RFX3: variants seen among roughly 807,000 people sequenced by gnomAD.
The protein encoded by RFX3 is regulatory factor X3.
A neutral mutation model predicts 98.6 loss-of-function variants in RFX3; 14 were observed. The ratio of observed to expected loss-of-function variants is 0.14; its 90% CI spans 0.09 to 0.22. The LOEUF (loss-of-function observed/expected upper bound fraction) is 0.22. RFX3 is among the 10% of genes least tolerant of loss of function. RFX3 has a pLI of 1.00. For synonymous variants in RFX3, 383 were observed against 328.4 expected (o/e 1.17, Z -1.80); for missense variants, 639 against 926.9 (o/e 0.69, Z 4.03).
chr9:3,370,430 C>G (rs1289160550), intron 2 of RFX3, among the ~76,000 whole-genome samples: 1 of 151,700 alleles, frequency 6.6e-6, no homozygotes, highest in Non-Finnish European at 1.5e-5. Context: ...AAATTTACAA[C>G]TCTATCCTTT....
intron 15 of RFX3, among the ~76,000 whole-genome samples, chr9:3,231,837 G>A (rs888866566): frequency 1.2e-4 from 18 of 152,132 alleles, no homozygotes; most frequent in African/African-American, 3.9e-4. Flanking sequence ...GCTGAGGCGG[G>A]TGGATCACCT....
At chr9:3,478,906 T>C (rs139212817) in intron 1 of RFX3, among the ~76,000 whole-genome samples, 1 of 152,072 alleles carries the variant, frequency 6.6e-6, no homozygotes, top group African/African-American at 2.4e-5. Flanking sequence ...GGGGTAAGCT[T>C]TTTCTTCCCC....
chr9:3,333,895 T>C (rs754279509), intron 3 of RFX3, among the ~76,000 whole-genome samples: 1 of 152,202 alleles, frequency 6.6e-6, no homozygotes, highest in Non-Finnish European at 1.5e-5. Flanking sequence ...GCAGACACTA[T>C]TCTATGTGCT....
At chr9:3,294,018 A>AC (rs1358802089) in intron 5 of RFX3, among the ~76,000 whole-genome samples, 1 of 152,142 alleles carries the variant, frequency 6.6e-6, no homozygotes, top group Admixed American at 6.5e-5. Flanking sequence ...TCACATTCTA[A>AC]AGTTTTATGT....
chr9:3,361,659 AG>A (rs1171366487), intron 2 of RFX3, among the ~76,000 whole-genome samples: 24 of 120,030 alleles, frequency 2.0e-4, no homozygotes, highest in African/African-American at 2.8e-4. Context: ...TTGTTTCTTT[AG>A]GAAAAAAAAA....
chr9:3,390,708 C>T (rs1840222305), intron 2 of RFX3, among the ~76,000 whole-genome samples: 1 of 152,126 alleles, frequency 6.6e-6, no homozygotes, highest in African/African-American at 2.4e-5. Flanking sequence ...TTTCCCTGCA[C>T]AAGCTCTCTC....
chr9:3,345,761 G>A (rs954685670), intron 3 of RFX3, among the ~76,000 whole-genome samples: 1 of 152,140 alleles, frequency 6.6e-6, no homozygotes, highest in African/African-American at 2.4e-5. Flanking sequence ...CACATGTCAT[G>A]CACACTTCTG....
intron 1 of RFX3, among the ~76,000 whole-genome samples, chr9:3,439,220 T>C (rs1845422302): frequency 6.6e-6 from 1 of 151,702 alleles, no homozygotes; most frequent in Admixed American, 6.6e-5. Flanking sequence ...TATTAGAAAA[T>C]AAGAAAGGTC....
intron 11 of RFX3, among the ~76,000 whole-genome samples, chr9:3,270,130 AG>A (rs1824232008): frequency 2.8e-5 from 3 of 107,176 alleles, no homozygotes; most frequent in Non-Finnish European, 6.6e-5. Flanking sequence ...AAGAAAGGAA[AG>A]AAAGAAAGAA....
intron 4 of RFX3, among the ~76,000 whole-genome samples, chr9:3,317,544 C>G (rs186266177): frequency 2.5e-3 from 375 of 152,320 alleles, no homozygotes; most frequent in Middle Eastern, 0.014. Context: ...TAAAGAGCTT[C>G]TGCACAGCAA....
At chr9:3,339,896 A>C (rs1046181939) in intron 3 of RFX3, among the ~76,000 whole-genome samples, 1 of 152,074 alleles carries the variant, frequency 6.6e-6, no homozygotes, top group African/African-American at 2.4e-5. Flanking sequence ...GAATTGGAAA[A>C]AACTACTTTA....
chr9:3,420,464 G>C (rs1411153693), intron 1 of RFX3, among the ~76,000 whole-genome samples: 2 of 152,118 alleles, frequency 1.3e-5, no homozygotes, highest in Non-Finnish European at 2.9e-5. Flanking sequence ...TATTTTATTT[G>C]AACCCCACAA....
intron 3 of RFX3, among the ~76,000 whole-genome samples, chr9:3,336,679 A>C (rs1004441860): frequency 6.6e-6 from 1 of 152,196 alleles, no homozygotes; most frequent in Admixed American, 6.5e-5. Context: ...AGCTGTTAGA[A>C]AGAAATGAGG....
chr9:3,330,142 T>C (rs2130880940), intron 4 of RFX3, 117 bp downstream of exon 4: 2 of 1,039,976 alleles, frequency 1.9e-6, no homozygotes. Flanking sequence ...ATACTAAAAC[T>C]ATCCAACACA....
chr9:3,362,788 C>G (rs908373663), intron 2 of RFX3, among the ~76,000 whole-genome samples: 3 of 152,130 alleles, frequency 2.0e-5, no homozygotes, highest in Admixed American at 6.5e-5. Context: ...TCCCTAGATG[C>G]CTACCATTTA....
intron 13 of RFX3, among the ~76,000 whole-genome samples, chr9:3,261,897 C>A (rs1328466818): frequency 4.6e-5 from 7 of 152,106 alleles, no homozygotes; most frequent in African/African-American, 1.7e-4. Context: ...TCCCTGGTGG[C>A]TAATGACATT....
At chr9:3,498,436 T>G (rs1042486962) in intron 1 of RFX3, among the ~76,000 whole-genome samples, 4 of 152,018 alleles carry the variant, frequency 2.6e-5, no homozygotes, top group African/African-American at 9.7e-5. Context: ...AAGGAGCTGC[T>G]GCAAAGTGAA....
At chr9:3,341,303 T>C (rs1057110801) in intron 3 of RFX3, among the ~76,000 whole-genome samples, 3 of 151,820 alleles carry the variant, frequency 2.0e-5, no homozygotes, top group African/African-American at 7.3e-5. Context: ...TACCTAATGC[T>C]AAATGACGAG....
intron 1 of RFX3, among the ~76,000 whole-genome samples, chr9:3,510,946 A>T (rs1287985805): frequency 6.6e-6 from 1 of 152,008 alleles, no homozygotes; most frequent in African/African-American, 2.4e-5. Context: ...GAAAAGAAAC[A>T]GTTTAGTTCT....
Sources: allele counts gnomAD v4.1 joint callset (sites outside exome capture counted in the v4.1 genomes callset), GRCh38; gene constraint gnomAD v4.1.1; transcripts MANE v1.5; gene names NCBI Gene and HGNC (gene_info 2026-07-23, HGNC 2026-07-21).